HTR4: variants seen among roughly 807,000 people sequenced by gnomAD.
The protein encoded by HTR4 is 5-hydroxytryptamine receptor 4, also known as 5-hydroxytryptamine (serotonin) receptor 4, G protein-coupled.
Under a neutral mutation model 36.8 loss-of-function variants are expected in HTR4, and 16 were observed. That is an observed-to-expected ratio of 0.43 (90% CI 0.29 to 0.66). The LOEUF (loss-of-function observed/expected upper bound fraction) is 0.66, where lower values mean the gene tolerates loss of function less well. Ranked by LOEUF, HTR4 falls within the 30% of genes least tolerant of loss-of-function variation. The probability of loss-of-function intolerance (pLI) is 0.13; values close to 1 mark genes in which losing one functional copy is unlikely to be tolerated. For synonymous variants in HTR4, 189 were observed against 185.1 expected (o/e 1.02, Z -0.17); for missense variants, 438 against 490.9 (o/e 0.89, Z 1.02).
At chr5:148,622,897 T>C (rs919803714) in intron 2 of HTR4, among the ~76,000 whole-genome samples, 2 of 152,316 alleles carry the variant, frequency 1.3e-5, no homozygotes, top group African/African-American at 2.4e-5. Flanking sequence ...ATATTTGTCA[T>C]TTCATAAATA....
chr5:148,514,158 TAGTTGACACCTTGTTTCACTCCC>T (rs1349057411), intron 5 of HTR4, among the ~76,000 whole-genome samples: 1 of 152,060 alleles, frequency 6.6e-6, no homozygotes, highest in Admixed American at 6.6e-5. Context: ...AAAATGAGAG[TAGTTGACACCTTGTTTCACTCCC>T]AGTTTTAGGG....
chr5:148,455,590 T>C (rs563662873), intron 5 of HTR4, among the ~76,000 whole-genome samples: 9 of 152,200 alleles, frequency 5.9e-5, no homozygotes, highest in Non-Finnish European at 1.0e-4. Flanking sequence ...CAGCTCTCTG[T>C]GGATATGAGA....
chr5:148,559,250 A>G (rs1760085730), intron 2 of HTR4, among the ~76,000 whole-genome samples: 1 of 152,222 alleles, frequency 6.6e-6, no homozygotes, highest in South Asian at 2.1e-4. Flanking sequence ...TTGCTTTTAC[A>G]CCATGGTAAA....
chr5:148,571,516 G>A (rs763820202), intron 2 of HTR4, among the ~76,000 whole-genome samples: 2 of 152,024 alleles, frequency 1.3e-5, no homozygotes, highest in Non-Finnish European at 1.5e-5. Flanking sequence ...GTATAGATAC[G>A]TTAGATTACT....
intron 5 of HTR4, among the ~76,000 whole-genome samples, chr5:148,466,448 A>G (rs1755431359): frequency 1.3e-5 from 2 of 152,242 alleles, no homozygotes; most frequent in African/African-American, 4.8e-5. Flanking sequence ...ACTGCAAGTG[A>G]ATTGAAATAG....
At chr5:148,567,649 C>T (rs757092923) in intron 2 of HTR4, among the ~76,000 whole-genome samples, 5 of 152,070 alleles carry the variant, frequency 3.3e-5, no homozygotes, top group Admixed American at 6.6e-5. Context: ...ATGTCAAGTG[C>T]GCTCTGACCT....
intron 2 of HTR4, chr5:148,629,238 T>C (rs1379680494): frequency 6.6e-6 from 1 of 152,140 alleles, no homozygotes; most frequent in East Asian, 1.9e-4. Flanking sequence ...TCTGAGAACA[T>C]GTAACTGTTG....
chr5:148,641,772 A>G (rs1356193471), intron 1 of HTR4, among the ~76,000 whole-genome samples: 3 of 152,152 alleles, frequency 2.0e-5, no homozygotes, highest in Admixed American at 2.0e-4. Flanking sequence ...TTAAGTGCAA[A>G]CCCCAAAGGT....
At chr5:148,536,919 A>G (rs764582796) in intron 4 of HTR4, among the ~76,000 whole-genome samples, 9 of 152,188 alleles carry the variant, frequency 5.9e-5, no homozygotes, top group Non-Finnish European at 1.3e-4. Context: ...CTCCACCCCA[A>G]AACAACAGAA....
intron 2 of HTR4, among the ~76,000 whole-genome samples, chr5:148,582,355 A>G (rs1761167847): frequency 6.6e-6 from 1 of 151,894 alleles, no homozygotes; most frequent in African/African-American, 2.4e-5. Context: ...ACGTGGGTAT[A>G]TTGTGTGATG....
At chr5:148,545,814 T>G (rs956545832) in intron 4 of HTR4, among the ~76,000 whole-genome samples, 1 of 152,196 alleles carries the variant, frequency 6.6e-6, no homozygotes, top group African/African-American at 2.4e-5. Context: ...AGTCTGGTCT[T>G]GATCTTCAAT....
In HTR4 at chr5:148,572,226, T is replaced by A. The variant is rs115932489; in HGVS notation, c.27-21964A>T. 1.6e-3 allele frequency among the ~76,000 whole-genome samples: 251 copies of A among 152,230 alleles called. 2 individuals carry two copies. The highest frequency in any genetic ancestry group is 4.7e-3 in the African/African-American group (195 of 41,564). On this transcript the variant is annotated intron_variant, in intron 2 of 6. Transcript: ENST00000377888. ...GAATAAAGAACAGTTATTCTCATTA[T>A]CTGAGTGCTACTATATGCCAGAAAG...
At chr5:148,562,825 T>A (rs1055633367) in intron 2 of HTR4, among the ~76,000 whole-genome samples, 1 of 152,168 alleles carries the variant, frequency 6.6e-6, no homozygotes, top group Non-Finnish European at 1.5e-5. Context: ...CAGCAAATCC[T>A]GATAGCTCTA....
intron 2 of HTR4, among the ~76,000 whole-genome samples, chr5:148,585,400 T>C (rs1761308100): frequency 6.6e-6 from 1 of 152,194 alleles, no homozygotes. Context: ...AAAGATTGCC[T>C]TAGAATCCTA....
At chr5:148,517,556 TA>T in intron 5 of HTR4, among the ~76,000 whole-genome samples, 1 of 152,218 alleles carries the variant, frequency 6.6e-6, no homozygotes, top group Non-Finnish European at 1.5e-5. Context: ...TTACTCACTC[TA>T]ATCTTCTAGT....
intron 4 of HTR4, among the ~76,000 whole-genome samples, chr5:148,546,920 C>T (rs1759409663): frequency 6.6e-6 from 1 of 152,158 alleles, no homozygotes; most frequent in South Asian, 2.1e-4. Flanking sequence ...TTGTTGTAAA[C>T]AAGCTAATAA....
rs979794980 is a variant in HTR4, at chr5:148,482,393, G to C, written c.*810C>G. ...GACGTCCCGTTCTAGCCCAGCAGGA[G>C]AGCGAGCATCTCAGGGCAGACACGC... On this transcript the variant is annotated 3_prime_UTR_variant, in exon 7 of 7. Coordinates refer to ENST00000377888, the MANE Select transcript of HTR4 (RefSeq NM_000870.7). 4.1e-6 allele frequency: 4 copies of C among 985,654 alleles called. No individual in the cohort carries two copies. The highest frequency in any genetic ancestry group is 3.6e-6 in the Non-Finnish European group (3 of 830,110). 61.1% of individuals were successfully genotyped at this position (985,654 alleles called of 1,614,324 possible).
chr5:148,480,291 G>A (rs1387486328), downstream of HTR4, among the ~76,000 whole-genome samples: 3 of 152,180 alleles, frequency 2.0e-5, no homozygotes, highest in African/African-American at 7.2e-5. Context: ...AAATTCGTGT[G>A]TTGGGCAACC....
intron 5 of HTR4, among the ~76,000 whole-genome samples, chr5:148,513,547 A>C (rs2113778898): frequency 6.6e-6 from 1 of 152,282 alleles, no homozygotes; most frequent in South Asian, 2.1e-4. Context: ...CATACATCTT[A>C]GACATCTAGT....
Sources: gnomAD v4.1 joint callset for allele counts (sites outside exome capture counted in the v4.1 genomes callset) on GRCh38, gnomAD v4.1.1 for gene constraint, MANE v1.5 for transcripts, NCBI Gene and HGNC (gene_info 2026-07-23, HGNC 2026-07-21) for gene names.